The following COL27A1 variants were observed in gnomAD, a reference collection of about 807,000 sequenced individuals.
The protein encoded by COL27A1 is collagen alpha-1(XXVII) chain.
In COL27A1, 106 loss-of-function variants were observed where a neutral mutation model predicts 251.3. The observed-to-expected ratio is 0.42, with a 90% confidence interval of 0.36 to 0.50. COL27A1 has a LOEUF of 0.50. Ranked by LOEUF, COL27A1 falls within the 20% of genes least tolerant of loss-of-function variation. The pLI, the probability that COL27A1 is intolerant of heterozygous loss-of-function variation, is 0.00. For missense variants in COL27A1, 2,325 were observed against 2,522.8 expected (o/e 0.92, Z 1.68); for synonymous variants, 1,000 against 986.3 (o/e 1.01, Z -0.26).
At chr9:114,219,719 G>A (rs1239280720) in intron 12 of COL27A1, 72 bp from the exon 13 acceptor site, 7 of 1,065,646 alleles carry the variant, frequency 6.6e-6, no homozygotes, top group Non-Finnish European at 1.0e-5. Context: ...CCCCCTGGGG[G>A]TCTGGATCAA....
chr9:114,260,766 G>T (rs571855184), intron 28 of COL27A1, among the ~76,000 whole-genome samples: 1 of 152,292 alleles, frequency 6.6e-6, no homozygotes, highest in South Asian at 2.1e-4. Context: ...GGGGTCAGAT[G>T]GGCCTACGGC....
intron 37 of COL27A1, among the ~76,000 whole-genome samples, chr9:114,278,452 CTGA>C (rs1297864906): frequency 4.2e-4 from 29 of 69,358 alleles, no homozygotes; most frequent in African/African-American, 1.6e-3. Context: ...TGATGGGGCA[CTGA>C]TGATGGTGGT....
rs900627433 is a variant in COL27A1 at position 114,243,655 on chromosome 9, G to A, written c.2934+95G>A. 4.5e-5 allele frequency: 45 copies of A among 1,000,414 alleles called. No homozygotes were observed. The African/African-American group carries it at 5.6e-4, about 12-fold the overall frequency. 62.0% of individuals were successfully genotyped at this position (1,000,414 alleles called of 1,614,324 possible). A position where few individuals can be genotyped will look rare whatever the true frequency, so the allele number is the denominator to read the frequency against. On this transcript the variant is annotated intron_variant, in intron 23 of 60. Transcript: ENST00000356083. ...AGCCCCAAATCCCATGGCCAGTTGT[G>A]AAAAGGGAGAAAAAAATTGGTTCCT...
intron 14 of COL27A1, among the ~76,000 whole-genome samples, chr9:114,225,508 C>T (rs1018073133): frequency 6.6e-6 from 1 of 152,210 alleles, no homozygotes; most frequent in Non-Finnish European, 1.5e-5. Context: ...CACCTCTGCT[C>T]CCTGAGCAAA....
At chr9:114,243,480 TC>T (rs755671516) in intron 22 of COL27A1, 26 bp from the exon 23 acceptor site, 6 of 1,611,606 alleles carry the variant, frequency 3.7e-6, no homozygotes. Flanking sequence ...GTCCAGCTTC[TC>T]CCACTTACCT....
intron 14 of COL27A1, among the ~76,000 whole-genome samples, chr9:114,228,521 C>T (rs1318851630): frequency 1.3e-5 from 2 of 152,220 alleles, no homozygotes; most frequent in African/African-American, 4.8e-5. Context: ...TCTCCAGAGA[C>T]CACCTCAGAA....
At chr9:114,235,470 G>C in intron 16 of COL27A1, 129 bp from the exon 17 acceptor site, 1 of 776,678 alleles carries the variant, frequency 1.3e-6, no homozygotes, top group Non-Finnish European at 2.4e-6. Flanking sequence ...CTCTCACAAG[G>C]CTGCTGCTGG....
At chr9:114,154,201 G>C (rs1440988289), upstream of COL27A1, among the ~76,000 whole-genome samples, 2 of 151,998 alleles carry the variant, frequency 1.3e-5, no homozygotes, top group Non-Finnish European at 2.9e-5. This position sits in a 1 kb window ranked among gnomAD's most constrained non-coding sequence, Gnocchi z 5.8. Flanking sequence ...GCGCAGTCCC[G>C]CGCGCCCATG....
At chr9:114,248,913 C>T (rs1037933480) in intron 24 of COL27A1, among the ~76,000 whole-genome samples, 2 of 152,204 alleles carry the variant, frequency 1.3e-5, no homozygotes, top group Non-Finnish European at 2.9e-5. Context: ...TCTGACTGCT[C>T]CCTTGTGGGA....
At chr9:114,195,516 C>T (rs1386471379) in intron 6 of COL27A1, among the ~76,000 whole-genome samples, 1 of 152,214 alleles carries the variant, frequency 6.6e-6, no homozygotes, top group Non-Finnish European at 1.5e-5. Flanking sequence ...CCTCCTGCTC[C>T]TGTGTGGCCT....
chr9:114,309,135 G>T (rs1480564237), intron 59 of COL27A1, 125 bp from the exon 60 acceptor site: 12 of 787,112 alleles, frequency 1.5e-5, no homozygotes, highest in Non-Finnish European at 2.5e-5. Context: ...ATGTCTGGGA[G>T]CATATCAGGA....
chr9:114,180,948 G>A (rs1013956595), intron 4 of COL27A1, among the ~76,000 whole-genome samples: 3 of 152,156 alleles, frequency 2.0e-5, no homozygotes, highest in Admixed American at 1.3e-4. Context: ...AGAGGCAGCC[G>A]CCCTTGACCT....
At chr9:114,243,947 G>C (rs1832941354) in intron 23 of COL27A1, among the ~76,000 whole-genome samples, 1 of 132,332 alleles carries the variant, frequency 7.6e-6, no homozygotes, top group African/African-American at 2.9e-5. Context: ...TTTTTTTTGA[G>C]ATGGAGTCTC....
intron 28 of COL27A1, among the ~76,000 whole-genome samples, chr9:114,259,179 G>C (rs1001922344): frequency 6.6e-5 from 10 of 152,176 alleles, no homozygotes; most frequent in African/African-American, 2.4e-4. Context: ...GGTGATACAG[G>C]AGGTGGATGC....
chr9:114,257,087 G>T (rs938387486), intron 27 of COL27A1, among the ~76,000 whole-genome samples: 1 of 152,206 alleles, frequency 6.6e-6, no homozygotes, highest in Admixed American at 6.5e-5. Context: ...GCAGCTGTTG[G>T]AGGGTCTGCT....
chr9:114,201,034 C>T (rs193085720), intron 7 of COL27A1, among the ~76,000 whole-genome samples: 20 of 152,332 alleles, frequency 1.3e-4, no homozygotes, highest in Admixed American at 6.5e-4. Context: ...CCCAGCCAGA[C>T]GGGGAGACGG....
intron 11 of COL27A1, 95 bp from the exon 12 acceptor site, chr9:114,210,887 C>T: frequency 7.7e-7 from 1 of 1,292,794 alleles, no homozygotes; most frequent in Non-Finnish European, 1.1e-6. Flanking sequence ...CCCTCTGTGA[C>T]TTCCTGCCGT....
At chr9:114,200,790 G>A (rs1829512174) in intron 7 of COL27A1, among the ~76,000 whole-genome samples, 1 of 152,210 alleles carries the variant, frequency 6.6e-6, no homozygotes, top group Non-Finnish European at 1.5e-5. Context: ...TTTCTGTCCT[G>A]CTGATGGCCC....
chr9:114,175,445 G>A (rs1026369873), intron 3 of COL27A1, among the ~76,000 whole-genome samples: 2 of 152,238 alleles, frequency 1.3e-5, no homozygotes, highest in Admixed American at 6.5e-5. Flanking sequence ...ACCCGTGCTC[G>A]CCACGAGCAA....
Sources: gnomAD v4.1 joint callset for allele counts (sites outside exome capture counted in the v4.1 genomes callset) on GRCh38, gnomAD v4.1.1 for gene constraint, Gnocchi (gnomAD v3.1) non-coding constraint, MANE v1.5 for transcripts, NCBI Gene and HGNC (gene_info 2026-07-23, HGNC 2026-07-21) for gene names.